The following HIP1 variants were observed in gnomAD, a reference collection of about 807,000 sequenced individuals.
HIP1 encodes the protein huntingtin-interacting protein 1.
HIP1 carries 65 observed loss-of-function variants against 147.6 expected under a neutral mutation model. That is an observed-to-expected ratio of 0.44 (90% CI 0.36 to 0.54). The LOEUF (loss-of-function observed/expected upper bound fraction) is 0.54. HIP1 is among the 20% of genes least tolerant of loss of function. The probability of loss-of-function intolerance (pLI) is 0.00; values close to 1 mark genes in which losing one functional copy is unlikely to be tolerated. For synonymous variants in HIP1, 479 were observed against 504.0 expected (o/e 0.95, Z 0.67); for missense variants, 1,061 against 1,299.6 (o/e 0.82, Z 2.82).
intron 1 of HIP1, among the ~76,000 whole-genome samples, chr7:75,665,588 G>A (rs1406753794): frequency 6.6e-6 from 1 of 151,350 alleles, no homozygotes; most frequent in Non-Finnish European, 1.5e-5. Context: ...CGCTCAGGCT[G>A]GAGTGCAGTG....
chr7:75,736,260 C>A (rs1327542561), intron 1 of HIP1, among the ~76,000 whole-genome samples: 1 of 147,650 alleles, frequency 6.8e-6, no homozygotes, highest in Non-Finnish European at 1.5e-5. Context: ...GGGAAACATA[C>A]CACTCACGGG....
At chr7:75,592,843 A>G (rs71560476) in intron 2 of HIP1, among the ~76,000 whole-genome samples, 2 of 152,148 alleles carry the variant, frequency 1.3e-5, no homozygotes, top group Non-Finnish European at 2.9e-5. Context: ...CCGAGATGTA[A>G]GCGTCTTGAG....
chr7:75,607,234 T>TTTC (rs1797261526), intron 1 of HIP1, among the ~76,000 whole-genome samples: 2 of 137,446 alleles, frequency 1.5e-5, no homozygotes, highest in African/African-American at 5.3e-5. Context: ...TTTTGTTTTG[T>TTTC]TTTTTTTTTT....
rs561960345 is a variant in HIP1, at chr7:75,676,153, T to C, written c.120+62648A>G. Among the ~76,000 whole-genome samples, 9 of 152,334 alleles carry C rather than the reference T, an allele frequency of 5.9e-5. No individual in the cohort carries two copies. The East Asian group carries it at 1.7e-3, about 29-fold the overall frequency. ...GCTGTTTGTTTAGTGACTTTCCTCA[T>C]AATTATGCCAAGTCTGTATTCTACA... On this transcript the variant is annotated intron_variant, in intron 1 of 30. Coordinates refer to ENST00000336926, the MANE Select transcript of HIP1 (RefSeq NM_005338.7).
intron 1 of HIP1, among the ~76,000 whole-genome samples, chr7:75,634,381 C>A (rs1004071844): frequency 3.2e-4 from 48 of 152,328 alleles, no homozygotes; most frequent in African/African-American, 1.0e-3. Context: ...AAGGCCACGA[C>A]CCCCAGCTCA....
intron 1 of HIP1, among the ~76,000 whole-genome samples, chr7:75,720,410 G>A (rs1239290825): frequency 7.2e-5 from 11 of 151,788 alleles, no homozygotes; most frequent in African/African-American, 2.7e-4. Context: ...ATCTGCCCGC[G>A]TTGGCCTCCC....
intron 1 of HIP1, among the ~76,000 whole-genome samples, chr7:75,662,444 C>T (rs897629147): frequency 6.6e-6 from 1 of 152,168 alleles, no homozygotes; most frequent in Admixed American, 6.6e-5. Flanking sequence ...TCCCCCAGTG[C>T]TCAGACTACA....
chr7:75,668,534 A>G (rs1319386520), intron 1 of HIP1, among the ~76,000 whole-genome samples: 1 of 152,102 alleles, frequency 6.6e-6, no homozygotes, highest in African/African-American at 2.4e-5. Context: ...CATGTTGGCC[A>G]GGCTGGTCTC....
At chr7:75,709,109 C>CTTTTT in intron 1 of HIP1, among the ~76,000 whole-genome samples, 1 of 131,440 alleles carries the variant, frequency 7.6e-6, no homozygotes, top group Non-Finnish European at 1.6e-5. Flanking sequence ...TTTTTCTTTT[C>CTTTTT]TTTTTTTTTT....
rs587691260 is a variant in HIP1 at position 75,580,081 on chromosome 7, C to A, written c.604+1156G>T. On this transcript the variant is annotated intron_variant, in intron 7 of 30. Transcript: ENST00000336926. ...CACCACAGTTCTTGGCAGGCAGGAG[C>A]CTGGAAGTGTGGCCACTCCCCCTGC... is the stretch of plus-strand genomic sequence containing the variant. Among the ~76,000 whole-genome samples, 5 of 152,242 alleles carry A rather than the reference C, an allele frequency of 3.3e-5. No individual in the cohort carries two copies. In the South Asian group the frequency reaches 1.0e-3, roughly 32 times the overall value.
intron 6 of HIP1, 90 bp downstream of exon 6, chr7:75,581,985 C>G: frequency 9.4e-7 from 1 of 1,067,680 alleles, no homozygotes; most frequent in Non-Finnish European, 1.4e-6. Flanking sequence ...CCACGGCCTC[C>G]CCCCATCAGG....
chr7:75,606,168 A>ATTT (rs1584870573), intron 1 of HIP1, among the ~76,000 whole-genome samples: 2 of 152,144 alleles, frequency 1.3e-5, no homozygotes, highest in South Asian at 2.1e-4. Context: ...TTAATAGCAT[A>ATTT]AAAGTACAGG....
intron 1 of HIP1, among the ~76,000 whole-genome samples, chr7:75,616,648 A>G (rs868975045): frequency 3.1e-4 from 46 of 150,766 alleles, no homozygotes; most frequent in African/African-American, 1.1e-3. Context: ...AAGAAATAGT[A>G]GCAGCAGGAA....
rs60265858 is a variant in HIP1, at chr7:75,602,494, C to CTT, written c.121-3249_121-3248dup. ...GTTTTTCTAAATTCTCAGATATGCT[C>CTT]TTTTTTTTTTTTTTTTTTTTTTTTT... On this transcript the variant is annotated intron_variant, in intron 1 of 30. Transcript: ENST00000336926. 2.2e-3 allele frequency among the ~76,000 whole-genome samples: 154 copies of CTT among 71,502 alleles called. 15 individuals carry two copies. Among genetic ancestry groups the CTT allele is most frequent in the African/African-American group, 0.011 (140 of 13,222 alleles). The allele number at this position is 71,502 out of a possible 152,430, so 46.9% of individuals were successfully genotyped here. A position where few individuals can be genotyped will look rare whatever the true frequency, so the allele number is the denominator to read the frequency against.
At chr7:75,547,876 C>G in intron 23 of HIP1, 63 bp from the exon 24 acceptor site, 1 of 1,427,472 alleles carries the variant, frequency 7.0e-7, no homozygotes, top group East Asian at 2.3e-5. Flanking sequence ...TAATGTCTTA[C>G]TATACTTTCA....
At chr7:75,694,805 C>T (rs1454375882) in intron 1 of HIP1, among the ~76,000 whole-genome samples, 9 of 151,862 alleles carry the variant, frequency 5.9e-5, no homozygotes, top group East Asian at 3.9e-4. Flanking sequence ...CCACCATGCC[C>T]GGCCTGGATT....
chr7:75,570,625 A>G (rs1424381134), intron 8 of HIP1, among the ~76,000 whole-genome samples: 9 of 152,272 alleles, frequency 5.9e-5, no homozygotes, highest in Admixed American at 5.9e-4. Context: ...ATATACGAAC[A>G]AAGGGAAAAT....
chr7:75,612,133 G>A (rs1315262737), intron 1 of HIP1, among the ~76,000 whole-genome samples: 3 of 152,236 alleles, frequency 2.0e-5, no homozygotes, highest in Non-Finnish European at 2.9e-5. Flanking sequence ...TGCCCCGGGT[G>A]GGGGTGGCAG....
chr7:75,693,789 GA>G (rs1554518464), intron 1 of HIP1, among the ~76,000 whole-genome samples: 1 of 139,008 alleles, frequency 7.2e-6, no homozygotes, highest in Admixed American at 7.1e-5. Flanking sequence ...GGGAGGGAGG[GA>G]GGGGGAGAGA....
Sources: allele counts gnomAD v4.1 joint callset (sites outside exome capture counted in the v4.1 genomes callset), GRCh38; gene constraint gnomAD v4.1.1; transcripts MANE v1.5; gene names NCBI Gene and HGNC (gene_info 2026-07-23, HGNC 2026-07-21).